The following MTHFD1 variants were observed in gnomAD, a reference collection of about 807,000 sequenced individuals.
MTHFD1 encodes C-1-tetrahydrofolate synthase, cytoplasmic.
A neutral mutation model predicts 110.3 loss-of-function variants in MTHFD1; 44 were observed. That is an observed-to-expected ratio of 0.40 (90% confidence interval 0.31 to 0.51). The LOEUF is 0.51. Ranked by LOEUF, MTHFD1 falls within the 20% of genes least tolerant of loss-of-function variation. MTHFD1 has a pLI of 0.60. For synonymous variants in MTHFD1, 402 were observed against 428.8 expected (o/e 0.94, Z 0.77); for missense variants, 909 against 1,173.1 (o/e 0.77, Z 3.29).
chr14:64,415,263 G>A (rs1373235495), intron 4 of MTHFD1, 95 bp from the exon 5 acceptor site: 2 of 1,023,660 alleles, frequency 2.0e-6, no homozygotes, highest in East Asian at 2.4e-5. Flanking sequence ...AGTGTTGGGG[G>A]GAAATAGGGC....
At chr14:64,451,104 C>T (rs901998213) in intron 24 of MTHFD1, among the ~76,000 whole-genome samples, 5 of 151,980 alleles carry the variant, frequency 3.3e-5, no homozygotes, top group South Asian at 2.1e-4. Context: ...GGGAGGCGGA[C>T]GTTGCAATGA....
At position 64,430,277 on chromosome 14, in the gene MTHFD1, C is replaced by CGG. The variant is rs60870392; in HGVS notation, c.1311+53_1311+54dup. On this transcript the variant is annotated intron_variant, in intron 13 of 27. Transcript: ENST00000652337. ...CTGAATTAGATCCCCCTTTTTTTGT[C>CGG]GGGGGGGAGGGTGCTGAATTAGCTC... 3 of 1,553,978 alleles carry CGG rather than the reference C, an allele frequency of 1.9e-6. No homozygotes were observed. In the Admixed American group the frequency reaches 5.0e-5, roughly 26 times the overall value.
chr14:64,458,736 T>C (rs1405326459), intron 27 of MTHFD1: 2 of 224,948 alleles, frequency 8.9e-6, no homozygotes, highest in African/African-American at 4.6e-5. Flanking sequence ...TTAGGAAGTA[T>C]AATAGAAAAG....
At chr14:64,441,790 G>C in intron 19 of MTHFD1, 1 of 562,214 alleles carries the variant, frequency 1.8e-6, no homozygotes, top group Non-Finnish European at 3.1e-6. Context: ...GCGACAGAGC[G>C]AGACTCCGTG....
intron 22 of MTHFD1, among the ~76,000 whole-genome samples, chr14:64,446,841 C>T (rs1321888450): frequency 2.0e-5 from 3 of 151,960 alleles, no homozygotes; most frequent in Admixed American, 2.0e-4. Context: ...CACGCCCAGC[C>T]GGTTTTTGGG....
intron 15 of MTHFD1, among the ~76,000 whole-genome samples, chr14:64,434,949 CTTTTTTTTTTTTTT>C (rs374039248): frequency 6.2e-5 from 5 of 80,862 alleles, no homozygotes; most frequent in East Asian, 4.8e-4. Context: ...TCCCTCTTTT[CTTTTTTTTTTTTTT>C]TTTTTTTTTT....
chr14:64,410,237 G>C (rs982602197), intron 2 of MTHFD1, among the ~76,000 whole-genome samples: 3 of 151,664 alleles, frequency 2.0e-5, no homozygotes, highest in Middle Eastern at 3.2e-3. Flanking sequence ...TTTTTTAAGA[G>C]ACAAGGTCTC....
In MTHFD1 at chr14:64,402,878, T is replaced by C. The variant is rs115783210; in HGVS notation, c.126+2001T>C. 6.0e-3 allele frequency among the ~76,000 whole-genome samples: 907 copies of C among 152,316 alleles called. 7 individuals carry two copies. Among genetic ancestry groups the C allele is most frequent in the African/African-American group, 0.021 (856 of 41,568 alleles). ...CAACCACAACCACTGTACTTCTGTA[T>C]ATAGCAGAAGTGCATTATGAGTGCT... On this transcript the variant is annotated intron_variant, in intron 2 of 27. Coordinates refer to ENST00000652337, the MANE Select transcript of MTHFD1 (RefSeq NM_005956.4).
At chr14:64,415,521 T>C (rs772169275) in intron 5 of MTHFD1, 27 bp downstream of exon 5, 5 of 1,614,038 alleles carry the variant, frequency 3.1e-6, no homozygotes, top group Non-Finnish European at 4.2e-6. Context: ...TTCCTATGTC[T>C]CATTGCATGC....
intron 19 of MTHFD1, 119 bp downstream of exon 19, chr14:64,441,572 C>CG (rs2078247906): frequency 1.2e-6 from 1 of 832,920 alleles, no homozygotes; most frequent in African/African-American, 1.7e-5. Flanking sequence ...TTTGGGAGGC[C>CG]AAGGTGGGCA....
chr14:64,409,663 T>C (rs2077966499), intron 2 of MTHFD1, among the ~76,000 whole-genome samples: 1 of 151,904 alleles, frequency 6.6e-6, no homozygotes, highest in African/African-American at 2.4e-5. Flanking sequence ...GGGAAGCCCC[T>C]ACGAGAAGCA....
chr14:64,442,998 ATTTT>A (rs1365497922), intron 21 of MTHFD1, among the ~76,000 whole-genome samples: 1 of 152,190 alleles, frequency 6.6e-6, no homozygotes, highest in African/African-American at 2.4e-5. Flanking sequence ...TTATCCTAGT[ATTTT>A]AACACCTTTT....
chr14:64,449,021 G>C (rs112936445), intron 23 of MTHFD1: 44 of 304,964 alleles, frequency 1.4e-4, no homozygotes, highest in South Asian at 9.6e-4. Flanking sequence ...GGATGGTCTC[G>C]ATCTCCTGAC....
intron 4 of MTHFD1, 45 bp downstream of exon 4, chr14:64,412,570 T>C: frequency 6.6e-7 from 1 of 1,509,166 alleles, no homozygotes; most frequent in Non-Finnish European, 9.2e-7. Flanking sequence ...GTGAAGTGGT[T>C]TCCTCTCTGG....
chr14:64,442,342 C>T lies in MTHFD1; in HGVS notation c.2076C>T (p.Pro692=), dbSNP rs2078255971. Residue 692 remains proline, a synonymous_variant, in exon 21 of 28, where the codon CCC becomes CCT. Coordinates refer to ENST00000652337, the MANE Select transcript of MTHFD1 (RefSeq NM_005956.4). ...AATGCCGGTATTCCGGCCTCTGCCC[C>T]CACGTGGTGGTGCTTGTTGCCACTG... is the stretch of plus-strand genomic sequence containing the variant. The part of the protein sequence containing the change: ...NIKCRYSGLC[P]HVVVLVATVR... 16 of 1,614,226 alleles carry T rather than the reference C, an allele frequency of 9.9e-6. 1 individual carries two copies. In the East Asian group the frequency reaches 3.6e-4, roughly 36 times the overall value.
At chr14:64,390,696 TG>T (rs2077797257) in intron 1 of MTHFD1, among the ~76,000 whole-genome samples, 2 of 152,176 alleles carry the variant, frequency 1.3e-5, no homozygotes, top group South Asian at 4.2e-4. Flanking sequence ...TTGCCCAGGC[TG>T]GAGTGCAATG....
rs1404445778 is a variant in MTHFD1 at position 64,419,799 on chromosome 14, A to G, written c.616-15A>G. 2 of 1,572,616 alleles carry G rather than the reference A, an allele frequency of 1.3e-6. No homozygotes were observed. The highest frequency in any genetic ancestry group is 2.7e-5 in the African/African-American group (2 of 74,022). On this transcript the variant is annotated splice_polypyrimidine_tract_variant and intron_variant, in intron 7 of 27. Coordinates refer to ENST00000652337, the MANE Select transcript of MTHFD1 (RefSeq NM_005956.4). ...TCATTATTTCATTTCTGATGTCCAA[A>G]TCCCCTACCCCTAGGTAAATAAAGG...
At chr14:64,397,196 A>T (rs1566553280) in intron 1 of MTHFD1, among the ~76,000 whole-genome samples, 1 of 69,174 alleles carries the variant, frequency 1.4e-5, no homozygotes, top group Admixed American at 1.9e-4. Context: ...TATATAAAAA[A>T]CAGTAATCTA....
chr14:64,440,543 C>A, intron 18 of MTHFD1: 1 of 459,874 alleles, frequency 2.2e-6, no homozygotes, highest in Non-Finnish European at 4.1e-6. Flanking sequence ...GGGTGTATGA[C>A]TTCAATTTGC....
Sources: gnomAD v4.1 joint callset for allele counts (sites outside exome capture counted in the v4.1 genomes callset) on GRCh38, gnomAD v4.1.1 for gene constraint, MANE v1.5 for transcripts, NCBI Gene and HGNC (gene_info 2026-07-23, HGNC 2026-07-21) for gene names.